XPNPEP1: variants seen among roughly 807,000 people sequenced by gnomAD.
The protein encoded by XPNPEP1 is X-prolyl aminopeptidase 1, also known as xaa-Pro aminopeptidase 1.
A neutral mutation model predicts 92.4 loss-of-function variants in XPNPEP1; 39 were observed. That is an observed-to-expected ratio of 0.42 (90% CI 0.33 to 0.55). The LOEUF (loss-of-function observed/expected upper bound fraction) is 0.55. Among genes scored for constraint, XPNPEP1 ranks in the 20% least tolerant of loss-of-function variants. The pLI, the probability that XPNPEP1 is intolerant of heterozygous loss-of-function variation, is 0.08. For missense variants in XPNPEP1, 654 were observed against 856.1 expected, an observed-to-expected ratio of 0.76 and a Z score of 2.95; for synonymous variants, 307 against 299.4, an observed-to-expected ratio of 1.03 and a Z score of -0.26.
chr10:109,910,903 T>C (rs1204007523), intron 2 of XPNPEP1, among the ~76,000 whole-genome samples: 1 of 152,268 alleles, frequency 6.6e-6, no homozygotes, highest in East Asian at 1.9e-4. Flanking sequence ...TGAGGTGATC[T>C]TCAACGACTG....
At chr10:109,918,206 G>A (rs1293744410) in intron 1 of XPNPEP1, among the ~76,000 whole-genome samples, 1 of 151,954 alleles carries the variant, frequency 6.6e-6, no homozygotes, top group African/African-American at 2.4e-5. Flanking sequence ...CAGACTGCCT[G>A]AGTCCCAGGG....
chr10:109,904,289 C>A (rs534261647), intron 3 of XPNPEP1, among the ~76,000 whole-genome samples: 3 of 150,792 alleles, frequency 2.0e-5, no homozygotes, highest in African/African-American at 7.3e-5. Context: ...CCGATTCCAG[C>A]TTGATATTCT....
Position 109,901,902 on chromosome 10 carries a change from GT to G in XPNPEP1, c.246+5788del, listed in dbSNP as rs1344265666. Among the ~76,000 whole-genome samples the G allele has an allele frequency of 2.0e-5, 3 of 152,294 alleles. No homozygotes were observed. In the East Asian group the frequency reaches 5.8e-4, roughly 29 times the overall value. On this transcript the variant is annotated intron_variant, in intron 3 of 20. Transcript: ENST00000502935. Reference sequence around the variant, plus strand: ...TTGAAACCACAGCATAAAAAGGAATGTAAAGTATCTTCTTAATAATTTTTAT... The same window carrying G: ...TTGAAACCACAGCATAAAAAGGAATGAAAGTATCTTCTTAATAATTTTTAT...
intron 2 of XPNPEP1, among the ~76,000 whole-genome samples, chr10:109,909,010 C>T (rs1467521905): frequency 1.3e-5 from 2 of 150,040 alleles, no homozygotes; most frequent in African/African-American, 4.9e-5. Context: ...GTGGCTCACA[C>T]CTGTAATCCC....
intron 1 of XPNPEP1, among the ~76,000 whole-genome samples, chr10:109,916,047 G>A (rs1850169262): frequency 1.3e-5 from 2 of 152,184 alleles, no homozygotes; most frequent in Admixed American, 1.3e-4. Flanking sequence ...GCAGAAGACA[G>A]GGAAGAGAAG....
intron 3 of XPNPEP1, among the ~76,000 whole-genome samples, chr10:109,904,541 T>A (rs1297888039): frequency 1.3e-5 from 2 of 152,062 alleles, no homozygotes; most frequent in African/African-American, 4.8e-5. Flanking sequence ...CTTTATCCCC[T>A]CCTTAGAGGT....
chr10:109,865,016 T>A lies in XPNPEP1; in HGVS notation c.*168A>T, dbSNP rs535209338. On this transcript the variant is annotated 3_prime_UTR_variant, in exon 21 of 21. Coordinates refer to ENST00000502935, the MANE Select transcript of XPNPEP1 (RefSeq NM_020383.4). ...AAAAAATCATAAAAGACTGAGTGTT[T>A]GCAATAAAATATCAAAGAGGATAAG... 1.0e-6 allele frequency: 1 copy of A among 965,886 alleles called. No homozygotes were observed. The highest frequency in any genetic ancestry group is 1.6e-5 in the African/African-American group (1 of 60,840). The allele number at this position is 965,886 out of a possible 1,614,324, so 59.8% of individuals were successfully genotyped here. A position where few individuals can be genotyped will look rare whatever the true frequency, so the allele number is the denominator to read the frequency against.
intron 3 of XPNPEP1, among the ~76,000 whole-genome samples, chr10:109,896,629 T>A (rs1849008049): frequency 6.6e-6 from 1 of 152,006 alleles, no homozygotes; most frequent in Non-Finnish European, 1.5e-5. Context: ...AACCCCCATC[T>A]TAACCCCAAG....
At position 109,865,006 on chromosome 10, in the gene XPNPEP1, A is replaced by T; in HGVS notation, c.*178T>A. On this transcript the variant is annotated 3_prime_UTR_variant, in exon 21 of 21. Coordinates refer to ENST00000502935, the MANE Select transcript of XPNPEP1 (RefSeq NM_020383.4). ...CTCAACAATTAAAAAATCATAAAAG[A>T]CTGAGTGTTTGCAATAAAATATCAA... 1.1e-6 allele frequency: 1 copy of T among 901,828 alleles called. No individual in the cohort carries two copies. 55.9% of individuals were successfully genotyped at this position (901,828 alleles called of 1,614,324 possible).
At chr10:109,914,714 TGA>T (rs1001823544) in intron 2 of XPNPEP1, among the ~76,000 whole-genome samples, 2 of 148,374 alleles carry the variant, frequency 1.3e-5, no homozygotes, top group African/African-American at 5.0e-5. Context: ...GAGAATCGCT[TGA>T]ACCCGGGAGA....
chr10:109,865,218 A>G lies in XPNPEP1; in HGVS notation c.1967T>C (p.Ile656Thr). Residue 656 changes from isoleucine to threonine, a missense_variant, in exon 21 of 21, where the codon ATC becomes ACC. Physicochemically the swap from Ile to Thr is moderately conservative, Grantham distance 89. Transcript: ENST00000502935. ...QGRQEALEWL[I>T]RETQPISKQH Reference sequence around the variant, plus strand: ...TTTGGAGATGGGTTGCGTCTCTCTGATGAGCCACTCGAGAGCTTCCTGGCG... The same window carrying G: ...TTTGGAGATGGGTTGCGTCTCTCTGGTGAGCCACTCGAGAGCTTCCTGGCG... 6.2e-7 allele frequency: 1 copy of G among 1,614,164 alleles called. No individual in the cohort carries two copies. Among genetic ancestry groups the G allele is most frequent in the Non-Finnish European group, 8.5e-7 (1 of 1,180,032 alleles).
chr10:109,899,945 T>C (rs1297678280), intron 3 of XPNPEP1, among the ~76,000 whole-genome samples: 2 of 152,204 alleles, frequency 1.3e-5, no homozygotes, highest in South Asian at 2.1e-4. Flanking sequence ...GGATGGTACA[T>C]GAAAGTATCC....
Position 109,884,099 on chromosome 10 carries a change from G to A in XPNPEP1, c.798C>T (p.Phe266=). The part of the protein sequence containing the change: ...GSDVEHNPVF[F]SYAIIGLETI... ...TCTCTAGTCCTATGATTGCGTAGGA[G>A]AAAAATACTGGATTGTGCTCCACAT... The change falls in exon 9 of 21, where the codon TTC becomes TTT. Residue 266 remains phenylalanine, a synonymous_variant. Coordinates refer to ENST00000502935, the MANE Select transcript of XPNPEP1 (RefSeq NM_020383.4). 3 of 1,614,056 alleles carry A rather than the reference G, an allele frequency of 1.9e-6. No individual in the cohort carries two copies. The highest frequency in any genetic ancestry group is 2.5e-6 in the Non-Finnish European group (3 of 1,179,968).
At chr10:109,872,139 G>A (rs1847521909) in intron 16 of XPNPEP1, among the ~76,000 whole-genome samples, 2 of 152,204 alleles carry the variant, frequency 1.3e-5, no homozygotes, top group East Asian at 3.8e-4. Context: ...GTGAGCCTTA[G>A]AAAGAATGGA....
At chr10:109,915,232 T>A in intron 1 of XPNPEP1, 133 bp from the exon 2 acceptor site, 1 of 435,558 alleles carries the variant, frequency 2.3e-6, no homozygotes, top group Non-Finnish European at 4.0e-6. Context: ...CCATTATCAG[T>A]GGCAGAATAA....
intron 5 of XPNPEP1, among the ~76,000 whole-genome samples, chr10:109,889,404 T>A (rs370028798): frequency 3.9e-5 from 6 of 152,204 alleles, no homozygotes; most frequent in Non-Finnish European, 8.8e-5. Context: ...GGTTTCACCA[T>A]GTTAGCCAGG....
At chr10:109,912,797 G>A (rs1054977705) in intron 2 of XPNPEP1, among the ~76,000 whole-genome samples, 3 of 152,180 alleles carry the variant, frequency 2.0e-5, no homozygotes, top group African/African-American at 4.8e-5. Flanking sequence ...CCACTTCTCC[G>A]GAAGGCAGGG....
At chr10:109,899,529 G>T (rs538678982) in intron 3 of XPNPEP1, among the ~76,000 whole-genome samples, 1 of 152,234 alleles carries the variant, frequency 6.6e-6, no homozygotes, top group Non-Finnish European at 1.5e-5. Flanking sequence ...GAAACTTCGA[G>T]ATGTGTTACC....
At position 109,907,813 on chromosome 10, in the gene XPNPEP1, C is replaced by T. The variant is rs371060963; in HGVS notation, c.124G>A (p.Gly42Ser). The change falls in exon 3 of 21, where the codon GGC becomes AGC. Residue 42 changes from glycine to serine, a missense_variant and splice_region_variant. By Grantham distance (56) the Gly-to-Ser change is moderately conservative. Coordinates refer to ENST00000502935, the MANE Select transcript of XPNPEP1 (RefSeq NM_020383.4). Reference sequence around the variant, plus strand: ...GAAGTCACCTTTGGAGGCATTCTGCCGTCTGCAACAACAGGAGAGCAAATT... The same window carrying T: ...GAAGTCACCTTTGGAGGCATTCTGCTGTCTGCAACAACAGGAGAGCAAATT... Reference protein sequence around the residue: ...HSGDTGVETDGRMPPKVTSEL... With the variant: ...HSGDTGVETDSRMPPKVTSEL... 31 of 1,614,020 alleles carry T rather than the reference C, an allele frequency of 1.9e-5. No individual in the cohort carries two copies. In the East Asian group the frequency reaches 4.2e-4, roughly 22 times the overall value.
Sources: allele counts gnomAD v4.1 joint callset (sites outside exome capture counted in the v4.1 genomes callset), GRCh38; gene constraint gnomAD v4.1.1; transcripts MANE v1.5; gene names NCBI Gene and HGNC (gene_info 2026-07-23, HGNC 2026-07-21).